Variants in KCNK2 observed in about 807,000 individuals in gnomAD.
KCNK2 encodes the protein potassium channel subfamily K member 2.
Under a neutral mutation model 40.5 loss-of-function variants are expected in KCNK2, and 21 were observed. The ratio of observed to expected loss-of-function variants is 0.52; its 90% CI spans 0.37 to 0.75. KCNK2 has a LOEUF of 0.75. Ranked by LOEUF, KCNK2 falls within the 30% of genes least tolerant of loss-of-function variation. The pLI is 0.00. For missense variants in KCNK2, 399 were observed against 531.6 expected (o/e 0.75, Z 2.45); for synonymous variants, 191 against 202.2 (o/e 0.94, Z 0.47).
chr1:215,216,004 G>A (rs1398888843), intron 6 of KCNK2, among the ~76,000 whole-genome samples: 2 of 152,190 alleles, frequency 1.3e-5, no homozygotes, highest in African/African-American at 4.8e-5. Context: ...CAGCATGCTT[G>A]TAAGACAGGG....
At chr1:215,166,434 T>G (rs1663449810) in intron 3 of KCNK2, among the ~76,000 whole-genome samples, 1 of 152,106 alleles carries the variant, frequency 6.6e-6, no homozygotes, top group African/African-American at 2.4e-5. Flanking sequence ...TTAGTTCAAG[T>G]TCTGTGGAAC....
intron 3 of KCNK2, among the ~76,000 whole-genome samples, chr1:215,129,725 T>A (rs1327269385): frequency 1.3e-5 from 2 of 151,856 alleles, no homozygotes; most frequent in African/African-American, 4.8e-5. Context: ...GAAGTGAGGT[T>A]AGAGAGATAA....
At chr1:215,018,556 A>C (rs934170889) in intron 1 of KCNK2, among the ~76,000 whole-genome samples, 12 of 152,182 alleles carry the variant, frequency 7.9e-5, no homozygotes, top group African/African-American at 2.9e-4. Flanking sequence ...CTCTTTAAAA[A>C]CGATAGTTAA....
At chr1:215,177,305 G>C (rs986063999) in intron 5 of KCNK2, among the ~76,000 whole-genome samples, 5 of 152,054 alleles carry the variant, frequency 3.3e-5, no homozygotes, top group African/African-American at 1.2e-4. Flanking sequence ...TCTATAGGTT[G>C]TCTGTTTACT....
chr1:215,216,417 T>TTA (rs5780821), intron 6 of KCNK2, among the ~76,000 whole-genome samples: 140,735 of 147,602 alleles, frequency 0.95, 67,453 homozygotes, highest in East Asian at 1. Flanking sequence ...ATATTGTATA[T>TTA]TATATGTTAT....
chr1:215,235,015 T>C lies in KCNK2; in HGVS notation c.1151T>C (p.Leu384Pro). 1.2e-6 allele frequency: 2 copies of C among 1,614,096 alleles called. No individual in the cohort carries two copies. Among genetic ancestry groups the C allele is most frequent in the Non-Finnish European group, 1.7e-6 (2 of 1,180,008 alleles). Residue 384 changes from leucine (L) to proline (P), a missense_variant, in exon 7 of 7, where the codon CTG becomes CCG. Physicochemically the swap from Leu to Pro is moderately conservative, Grantham distance 98. Transcript: ENST00000444842. Reference protein sequence around the residue: ...NQELTPCRRTLSVNHLTSERD... With the variant: ...NQELTPCRRTPSVNHLTSERD... ...GAGCTGACTCCTTGTAGGAGGACCC[T>C]GTCAGTGAACCACCTGACCAGCGAG...
At chr1:215,101,592 A>C (rs1660221985) in intron 2 of KCNK2, among the ~76,000 whole-genome samples, 1 of 151,984 alleles carries the variant, frequency 6.6e-6, no homozygotes, top group Admixed American at 6.6e-5. Flanking sequence ...CTTTAGGTGC[A>C]ATGGGAAGTG....
chr1:215,222,239 A>G (rs59976255), intron 6 of KCNK2, among the ~76,000 whole-genome samples: 3,373 of 146,732 alleles, frequency 0.023, 120 homozygotes, highest in African/African-American at 0.082. Flanking sequence ...CAACTATCCA[A>G]ACTATATTAT....
rs891530326 is a variant in KCNK2, at chr1:215,169,482, A to G, written c.636+123A>G. 1.1e-5 allele frequency: 8 copies of G among 699,584 alleles called. No individual in the cohort carries two copies. The Admixed American group carries it at 1.5e-4, about 13-fold the overall frequency. 43.3% of individuals were successfully genotyped at this position (699,584 alleles called of 1,614,324 possible). A position where few individuals can be genotyped will look rare whatever the true frequency, so the allele number is the denominator to read the frequency against. ...TATTAGGGCTTCCATAACAATTTAT[A>G]TGCATCTCTACTGGCATGTAACTCA... On this transcript the variant is annotated intron_variant, in intron 4 of 6. Transcript: ENST00000444842.
At chr1:215,208,656 T>C (rs1181125840) in intron 6 of KCNK2, among the ~76,000 whole-genome samples, 1 of 152,176 alleles carries the variant, frequency 6.6e-6, no homozygotes, top group Non-Finnish European at 1.5e-5. Flanking sequence ...GTATGAAATA[T>C]TGCCCTAAAG....
rs1350257707 is a variant in KCNK2, at chr1:215,092,952, G to A, written c.357+6274G>A. Among the ~76,000 whole-genome samples, 3 of 152,166 alleles carry A rather than the reference G, an allele frequency of 2.0e-5. No homozygotes were observed. In the East Asian group the frequency reaches 5.8e-4, roughly 29 times the overall value. On this transcript the variant is annotated intron_variant, in intron 2 of 6. Coordinates refer to ENST00000444842, the MANE Select transcript of KCNK2 (RefSeq NM_001017425.3). ...CTCAGACTGATTTCAGGTCAGCACA[G>A]CCATGTGAAATTTGAGTTGATTATT...
intron 1 of KCNK2, among the ~76,000 whole-genome samples, chr1:215,064,512 C>G (rs114360980): frequency 6.6e-6 from 1 of 152,152 alleles, no homozygotes; most frequent in Non-Finnish European, 1.5e-5. Context: ...AGATTTTGCA[C>G]GAGGCACCAT....
rs927937422 is a variant in KCNK2, at chr1:215,053,290, A to G, written c.35-33078A>G. Among the ~76,000 whole-genome samples the G allele has an allele frequency of 9.2e-5, 14 of 152,256 alleles. No homozygotes were observed. The East Asian group carries it at 2.5e-3, about 27-fold the overall frequency. The stretch of plus-strand genomic sequence containing the variant: ...GAAATTCTGCTGGGATAAGAGTGAC[A>G]GTGACTGATGCATCTTCCCTAGGTA... On this transcript the variant is annotated intron_variant, in intron 1 of 6. Coordinates refer to the KCNK2 transcript ENST00000391895.
chr1:215,091,750 G>A (rs2102537254), intron 2 of KCNK2, among the ~76,000 whole-genome samples: 1 of 152,276 alleles, frequency 6.6e-6, no homozygotes, highest in African/African-American at 2.4e-5. Context: ...TGGTCACTAA[G>A]GAGGCTTCAC....
At chr1:215,093,768 T>TTATATATTATATA (rs1659826535) in intron 2 of KCNK2, among the ~76,000 whole-genome samples, 3 of 74,066 alleles carry the variant, frequency 4.1e-5, no homozygotes, top group African/African-American at 2.4e-4. Context: ...TTATATAATA[T>TTATATATTATATA]AAAATATATT....
At chr1:215,228,778 G>GA (rs1666499650) in intron 6 of KCNK2, among the ~76,000 whole-genome samples, 2 of 151,998 alleles carry the variant, frequency 1.3e-5, no homozygotes, top group Non-Finnish European at 2.9e-5. Flanking sequence ...TTTCTATTAA[G>GA]AAAAAATTTT....
At chr1:215,057,329 C>A (rs541294109) in intron 1 of KCNK2, among the ~76,000 whole-genome samples, 1 of 151,876 alleles carries the variant, frequency 6.6e-6, no homozygotes, top group South Asian at 2.1e-4. Flanking sequence ...GTTAGGCATA[C>A]AACAAATGTC....
intron 2 of KCNK2, among the ~76,000 whole-genome samples, chr1:215,093,746 A>C (rs1240141765): frequency 3.0e-5 from 2 of 66,326 alleles, no homozygotes; most frequent in Non-Finnish European, 4.8e-5. Flanking sequence ...TAATATAAAA[A>C]TATATTATAT....
intron 6 of KCNK2, among the ~76,000 whole-genome samples, chr1:215,223,241 T>A (rs1471942725): frequency 4.5e-5 from 5 of 112,050 alleles, no homozygotes; most frequent in Middle Eastern, 6.3e-3. Context: ...AGCTCTTTTC[T>A]AAAAAAAAAA....
Sources: allele counts gnomAD v4.1 joint callset (sites outside exome capture counted in the v4.1 genomes callset), GRCh38; gene constraint gnomAD v4.1.1; transcripts MANE v1.5; gene names NCBI Gene and HGNC (gene_info 2026-07-23, HGNC 2026-07-21).